The following P2RX3 variants were observed in gnomAD, a reference collection of about 807,000 sequenced individuals.
P2RX3 encodes the protein P2X purinoceptor 3.
In P2RX3, 41 loss-of-function variants were observed where a neutral mutation model predicts 51.5. That is an observed-to-expected ratio of 0.80 (90% confidence interval 0.62 to 1.03). The LOEUF (loss-of-function observed/expected upper bound fraction) is 1.03, where lower values mean the gene tolerates loss of function less well. Among genes scored for constraint, P2RX3 ranks in the 50% least tolerant of loss-of-function variants. The probability of loss-of-function intolerance (pLI) is 0.00; values close to 1 mark genes in which losing one functional copy is unlikely to be tolerated. For synonymous variants in P2RX3, 185 were observed against 191.6 expected, an observed-to-expected ratio of 0.97 and a Z score of 0.29; for missense variants, 459 against 522.1, an observed-to-expected ratio of 0.88 and a Z score of 1.18.
At position 57,371,562 on chromosome 11, in the gene P2RX3, C is replaced by T. The variant is rs1255588790; in HGVS notation, c.*1565C>T. 1.3e-5 allele frequency among the ~76,000 whole-genome samples: 2 copies of T among 152,172 alleles called. No individual in the cohort carries two copies. The highest frequency in any genetic ancestry group is 2.9e-5 in the Non-Finnish European group (2 of 68,032). On this transcript the variant is annotated 3_prime_UTR_variant, in exon 12 of 12. Coordinates refer to ENST00000263314, the MANE Select transcript of P2RX3 (RefSeq NM_002559.5). ...TCAAATGGTGGGTACTTGCAAAGGC[C>T]TTGCCCAATGACCCCCCGCTCCAGG... is the stretch of plus-strand genomic sequence containing the variant.
intron 1 of P2RX3, among the ~76,000 whole-genome samples, chr11:57,346,203 A>G (rs1179668221): frequency 6.6e-6 from 1 of 152,214 alleles, no homozygotes; most frequent in Admixed American, 6.5e-5. Flanking sequence ...ATGGCCCCCA[A>G]GGAGGTGAAA....
chr11:57,364,191 T>C (rs1021158933), intron 8 of P2RX3, among the ~76,000 whole-genome samples: 5 of 151,900 alleles, frequency 3.3e-5, no homozygotes, highest in African/African-American at 1.2e-4. Context: ...CCCTGCCCAC[T>C]ACCCATGGGC....
rs145525330 is a variant in P2RX3 at position 57,351,565 on chromosome 11, G to A, written c.842+667G>A. On this transcript the variant is annotated intron_variant, in intron 8 of 11. Transcript: ENST00000263314. ...AAACTGTTTGGAAGCAACTGAAAGC[G>A]CTTGAACAAGCCATTTGTCTTCTCC... Among the ~76,000 whole-genome samples the A allele has an allele frequency of 2.9e-3, 443 of 152,300 alleles. 2 individuals carry two copies. Among genetic ancestry groups the A allele is most frequent in the African/African-American group, 0.01 (430 of 41,568 alleles).
Position 57,350,931 on chromosome 11 carries a change from G to A in P2RX3, c.842+33G>A, listed in dbSNP as rs572747682. 2.5e-6 allele frequency: 4 copies of A among 1,613,842 alleles called. No individual in the cohort carries two copies. The South Asian group carries it at 4.4e-5, about 18-fold the overall frequency. On this transcript the variant is annotated intron_variant, in intron 8 of 11. Coordinates refer to ENST00000263314, the MANE Select transcript of P2RX3 (RefSeq NM_002559.5). ...CCTGTCTCCTGGGACACCAGGAGAA[G>A]AAGGTGCGGGCTGTTAACGGCAATG...
At chr11:57,355,313 T>A (rs1270715593) in intron 8 of P2RX3, among the ~76,000 whole-genome samples, 2 of 152,102 alleles carry the variant, frequency 1.3e-5, no homozygotes. Flanking sequence ...GCAAGTTCTC[T>A]TCTTAAAGGA....
Position 57,368,018 on chromosome 11 carries a change from G to A in P2RX3, c.852G>A (p.Lys284=), listed in dbSNP as rs746997745. 5.6e-6 allele frequency: 9 copies of A among 1,613,984 alleles called. No individual in the cohort carries two copies. The highest frequency in any genetic ancestry group is 7.6e-6 in the Non-Finnish European group (9 of 1,179,992). ...TGCCTCTGACCTCCAGGTTTGCCAAGTACTACAAAATGGAAAATGGCAGTG... is the reference window on the plus strand; with the variant it reads ...TGCCTCTGACCTCCAGGTTTGCCAAATACTACAAAATGGAAAATGGCAGTG... The part of the protein sequence containing the change: ...VSPGYNFRFA[K]YYKMENGSEY... The change falls in exon 9 of 12, where the codon AAG becomes AAA. Residue 284 remains lysine, a synonymous_variant. Transcript: ENST00000263314.
At chr11:57,354,473 C>T (rs1470142124) in intron 8 of P2RX3, among the ~76,000 whole-genome samples, 1 of 152,172 alleles carries the variant, frequency 6.6e-6, no homozygotes, top group Admixed American at 6.5e-5. Flanking sequence ...GTCACCAGTT[C>T]AGTGCTGCAC....
intron 5 of P2RX3, 56 bp from the exon 6 acceptor site, chr11:57,348,571 C>A: frequency 6.9e-7 from 1 of 1,459,680 alleles, no homozygotes; most frequent in Non-Finnish European, 9.6e-7. Flanking sequence ...CAGGTGAAAG[C>A]CTTCATTTCC....
chr11:57,340,937 G>C (rs1445922261), intron 1 of P2RX3, among the ~76,000 whole-genome samples: 1 of 152,228 alleles, frequency 6.6e-6, no homozygotes, highest in Non-Finnish European at 1.5e-5. Context: ...GGTCATTGTG[G>C]CTGGAGCCGA....
chr11:57,360,231 A>G (rs1335658610), intron 8 of P2RX3, among the ~76,000 whole-genome samples: 1 of 152,132 alleles, frequency 6.6e-6, no homozygotes, highest in Non-Finnish European at 1.5e-5. Context: ...TGGCTCCCAC[A>G]AGTGGCACCC....
At chr11:57,363,698 C>A (rs1204963949) in intron 8 of P2RX3, among the ~76,000 whole-genome samples, 3 of 152,184 alleles carry the variant, frequency 2.0e-5, no homozygotes, top group African/African-American at 7.2e-5. Context: ...ACCCTGGTGA[C>A]CAATGAGCTG....
Position 57,361,562 on chromosome 11 carries a change from TG to T in P2RX3, c.843-6446del, listed in dbSNP as rs574967304. Among the ~76,000 whole-genome samples the T allele has an allele frequency of 1.6e-3, 247 of 152,322 alleles. 4 individuals carry two copies. The highest frequency in any genetic ancestry group is 0.015 in the Admixed American group (232 of 15,302). On this transcript the variant is annotated intron_variant, in intron 8 of 11. Transcript: ENST00000263314. ...TGCAATGTTTGGTTTTCTGTTCTTG[TG>T]TTAGTTTGCTGAGGATGATGGCTTC...
rs867583176 is a variant in P2RX3, at chr11:57,360,679, C to T, written c.843-7330C>T. Among the ~76,000 whole-genome samples the T allele has an allele frequency of 2.6e-5, 4 of 151,668 alleles. No homozygotes were observed. The South Asian group carries it at 8.4e-4, about 32-fold the overall frequency. On this transcript the variant is annotated intron_variant, in intron 8 of 11. Transcript: ENST00000263314. ...GCATGGTGGTGCACACCTGTAATCC[C>T]AGCTACTTGGGAGGCTGAGGCAGGA...
intron 6 of P2RX3, 125 bp from the exon 7 acceptor site, chr11:57,349,632 G>A: frequency 1.8e-6 from 2 of 1,136,974 alleles, no homozygotes; most frequent in Non-Finnish European, 1.3e-6. Flanking sequence ...GGGAGATGGC[G>A]AGGTCCAGAT....
In P2RX3 at chr11:57,371,390, G is replaced by C. The variant is rs908895180; in HGVS notation, c.*1393G>C. ...AATGAGCCTAAAGAATGTTTCAATA[G>C]CTTCATGATAAATCTGCATCTGGCA... On this transcript the variant is annotated 3_prime_UTR_variant, in exon 12 of 12. Transcript: ENST00000263314. Among the ~76,000 whole-genome samples, 1 of 152,260 alleles carries C rather than the reference G, an allele frequency of 6.6e-6. No individual in the cohort carries two copies. The highest frequency in any genetic ancestry group is 6.5e-5 in the Admixed American group (1 of 15,288).
In P2RX3 at chr11:57,349,828, T is replaced by C; in HGVS notation, c.635T>C (p.Phe212Ser). 2 of 1,614,222 alleles carry C rather than the reference T, an allele frequency of 1.2e-6. No homozygotes were observed. The highest frequency in any genetic ancestry group is 1.7e-6 in the Non-Finnish European group (2 of 1,180,038). The change falls in exon 7 of 12, where the codon TTC becomes TCC. Residue 212 changes from phenylalanine (F) to serine (S), a missense_variant. Coordinates refer to ENST00000263314, the MANE Select transcript of P2RX3 (RefSeq NM_002559.5). ...TCRFHPDKDP[F>S]CPILRVGDVV... is the part of the protein sequence containing the mutation. ...CGCTTCCACCCGGACAAGGACCCTT[T>C]CTGCCCCATCTTGCGGGTAGGGGAC... is the stretch of plus-strand genomic sequence containing the variant.
chr11:57,347,290 C>T (rs942753662), intron 3 of P2RX3, 103 bp downstream of exon 3: 34 of 1,483,198 alleles, frequency 2.3e-5, no homozygotes, highest in Middle Eastern at 3.5e-4. Context: ...CAAGTCTGAC[C>T]TTGCAACTGG....
intron 1 of P2RX3, 57 bp from the exon 2 acceptor site, chr11:57,346,487 T>C: frequency 6.3e-7 from 1 of 1,585,944 alleles, no homozygotes; most frequent in Non-Finnish European, 8.6e-7. Context: ...TCCCAGCTTC[T>C]GTCTGCTGGG....
intron 5 of P2RX3, 160 bp downstream of exon 5, chr11:57,348,423 T>TG: frequency 1.3e-6 from 1 of 756,330 alleles, no homozygotes; most frequent in Non-Finnish European, 2.1e-6. Context: ...GGTATCATCT[T>TG]CCCCAGCCCA....
Sources: gnomAD v4.1 joint callset for allele counts (sites outside exome capture counted in the v4.1 genomes callset) on GRCh38, gnomAD v4.1.1 for gene constraint, MANE v1.5 for transcripts, NCBI Gene and HGNC (gene_info 2026-07-23, HGNC 2026-07-21) for gene names.